PHC3: variants seen among roughly 807,000 people sequenced by gnomAD.
PHC3 encodes polyhomeotic homolog 3.
Under a neutral mutation model 107.4 loss-of-function variants are expected in PHC3, and 13 were observed. The ratio of observed to expected loss-of-function variants is 0.12; its 90% CI spans 0.08 to 0.19. PHC3 has a LOEUF of 0.19. Among genes scored for constraint, PHC3 ranks in the 10% least tolerant of loss-of-function variants. The probability of loss-of-function intolerance (pLI) is 1.00; values close to 1 mark genes in which losing one functional copy is unlikely to be tolerated. For synonymous variants in PHC3, 456 were observed against 427.4 expected (o/e 1.07, Z -0.83); for missense variants, 992 against 1,210.9 (o/e 0.82, Z 2.68).
Position 170,096,737 on chromosome 3 carries a change from T to C in PHC3, c.*493A>G, listed in dbSNP as rs573008447. 1 of 152,498 alleles carries C rather than the reference T, an allele frequency of 6.6e-6. No individual in the cohort carries two copies. The highest frequency in any genetic ancestry group is 2.4e-5 in the African/African-American group (1 of 41,576). 9.4% of individuals were successfully genotyped at this position (152,498 alleles called of 1,614,324 possible). ...ATAAAGCATATGTCTAAAAGACATG[T>C]TTTTTAAAATGTACACTGATTTCAT... On this transcript the variant is annotated 3_prime_UTR_variant, in exon 15 of 15. Transcript: ENST00000495893.
At chr3:170,115,856 G>C (rs1376472599) in intron 10 of PHC3, among the ~76,000 whole-genome samples, 1 of 147,802 alleles carries the variant, frequency 6.8e-6, no homozygotes, top group Non-Finnish European at 1.5e-5. Context: ...TATGAGAATT[G>C]TTATAGGAAA....
At chr3:170,176,189 G>A (rs922311010) in intron 2 of PHC3, among the ~76,000 whole-genome samples, 3 of 141,524 alleles carry the variant, frequency 2.1e-5, no homozygotes, top group Non-Finnish European at 4.5e-5. Context: ...TCACGCCACC[G>A]CACTCCAGCC....
chr3:170,098,640 A>C (rs1362184660), intron 14 of PHC3, among the ~76,000 whole-genome samples: 1 of 152,168 alleles, frequency 6.6e-6, no homozygotes, highest in Non-Finnish European at 1.5e-5. Flanking sequence ...GCTATAGAAG[A>C]GCTATCTGTA....
At chr3:170,158,914 G>A (rs1419662178) in intron 4 of PHC3, among the ~76,000 whole-genome samples, 1 of 145,880 alleles carries the variant, frequency 6.9e-6, no homozygotes, top group Admixed American at 7.0e-5. Context: ...ACAACAAAGT[G>A]AGAACCTGTC....
Position 170,129,043 on chromosome 3 carries a change from G to A in PHC3, c.1429C>T (p.His477Tyr). 2 of 1,612,396 alleles carry A rather than the reference G, an allele frequency of 1.2e-6. No individual in the cohort carries two copies. Among genetic ancestry groups the A allele is most frequent in the Non-Finnish European group, 1.7e-6 (2 of 1,179,112 alleles). The change falls in exon 8 of 15, where the codon CAC becomes TAC. Residue 477 changes from histidine to tyrosine, a missense_variant. By Grantham distance (83) the His-to-Tyr change is moderately conservative (BLOSUM62 2). Coordinates refer to ENST00000495893, the MANE Select transcript of PHC3 (RefSeq NM_024947.4). ...GCAGACTGCTGAACTGGGCCAATGT[G>A]TACAACAGGGGAAGCTGGAAGTGGA... ...HLPLPASPVV[H>Y]IGPVQQSALV... is the part of the protein sequence containing the mutation.
Position 170,172,669 on chromosome 3 carries a change from T to C in PHC3, c.224A>G (p.Gln75Arg), listed in dbSNP as rs1276154902. Residue 75 changes from glutamine (Q) to arginine (R), a missense_variant, in exon 3 of 15, where the codon CAG becomes CGG. This residue lies in a region of PHC3 where 161 missense variants were observed against 183.7 expected (regional missense o/e 0.88). Coordinates refer to ENST00000495893, the MANE Select transcript of PHC3 (RefSeq NM_024947.4). ...GGCTGCATACATTTGCTGAAGGTAC[T>C]GAGCAGCTGAGCTGGGGGGCCGATG... Reference protein sequence around the residue: ...ALHRPPSSAAQYLQQMYAAQQ... With the variant: ...ALHRPPSSAARYLQQMYAAQQ... The C allele has an allele frequency of 6.2e-7, 1 of 1,612,418 alleles. No homozygotes were observed. Among genetic ancestry groups the C allele is most frequent in the South Asian group, 1.1e-5 (1 of 90,996 alleles).
At chr3:170,178,166 C>T (rs1378651460) in intron 2 of PHC3, among the ~76,000 whole-genome samples, 4 of 140,870 alleles carry the variant, frequency 2.8e-5, no homozygotes, top group African/African-American at 8.0e-5. Flanking sequence ...TTTTTTGAGA[C>T]GGAGTCTCGT....
chr3:170,157,846 A>G (rs973169331), intron 4 of PHC3, among the ~76,000 whole-genome samples: 1 of 151,992 alleles, frequency 6.6e-6, no homozygotes. Context: ...GAAATTTTTA[A>G]GAAGAAAATA....
chr3:170,163,884 A>G (rs1224623641), intron 4 of PHC3, among the ~76,000 whole-genome samples: 2 of 141,618 alleles, frequency 1.4e-5, no homozygotes, highest in African/African-American at 2.6e-5. Flanking sequence ...AAAAAAAAAA[A>G]GGCAGGCAGG....
chr3:170,114,181 G>T (rs1033962711), intron 10 of PHC3, among the ~76,000 whole-genome samples: 1 of 152,008 alleles, frequency 6.6e-6, no homozygotes, highest in Non-Finnish European at 1.5e-5. Flanking sequence ...GGCTAATTTT[G>T]TATTTTTAGT....
In PHC3 at chr3:170,129,172, G is replaced by T. The variant is rs752884184; in HGVS notation, c.1300C>A (p.Pro434Thr). 3.3e-5 allele frequency: 54 copies of T among 1,613,848 alleles called. No homozygotes were observed. The highest frequency in any genetic ancestry group is 5.0e-5 in the Admixed American group (3 of 59,996). Residue 434 changes from proline (P) to threonine (T), a missense_variant, in exon 8 of 15, where the codon CCA becomes ACA. By Grantham distance (38) the Pro-to-Thr change is conservative. Around this residue, in one of 6 missense-constraint regions of PHC3, gnomAD observed 543 missense variants for 590.8 expected, o/e 0.92. Transcript: ENST00000495893. ...IIIHPQALIQ[P>T]HPLVSSALQP... ...AGAGCTGATGACACAAGAGGGTGTGGCTGAATAAGTGCTTGTGGATGAATA... is the reference window on the plus strand; with the variant it reads ...AGAGCTGATGACACAAGAGGGTGTGTCTGAATAAGTGCTTGTGGATGAATA...
At position 170,092,758 on chromosome 3, in the gene PHC3, G is replaced by C. The variant is rs1220370459; in HGVS notation, c.*4472C>G. ...CAAATATTCTCCAACTGTAATAAAA[G>C]GTTCTCACCTTTTTCAGAAATCAAA... On this transcript the variant is annotated 3_prime_UTR_variant, in exon 15 of 15. Coordinates refer to ENST00000495893, the MANE Select transcript of PHC3 (RefSeq NM_024947.4). 2.6e-5 allele frequency: 4 copies of C among 152,042 alleles called. No homozygotes were observed. The highest frequency in any genetic ancestry group is 6.5e-5 in the Admixed American group (1 of 15,272). 9.4% of individuals were successfully genotyped at this position (152,042 alleles called of 1,614,324 possible).
chr3:170,125,240 T>G (rs1721060296), intron 8 of PHC3, among the ~76,000 whole-genome samples: 1 of 152,098 alleles, frequency 6.6e-6, no homozygotes, highest in Non-Finnish European at 1.5e-5. Flanking sequence ...ATAATAACAG[T>G]TTTTTAAATG....
intron 4 of PHC3, among the ~76,000 whole-genome samples, chr3:170,164,305 T>C (rs2108694419): frequency 6.6e-6 from 1 of 152,322 alleles, no homozygotes; most frequent in Non-Finnish European, 1.5e-5. Flanking sequence ...TCTATATATT[T>C]GTGTTATCTA....
intron 5 of PHC3, chr3:170,147,847 T>C (rs944722726): frequency 6.6e-6 from 1 of 152,264 alleles, no homozygotes; most frequent in African/African-American, 2.4e-5. Flanking sequence ...TTCAATTTAG[T>C]TTGACCCGTA....
In PHC3 at chr3:170,089,473, A is replaced by C. The variant is rs1212258442; in HGVS notation, c.*7757T>G. The C allele has an allele frequency of 6.6e-6, 1 of 152,254 alleles. No homozygotes were observed. Among genetic ancestry groups the C allele is most frequent in the Non-Finnish European group, 1.5e-5 (1 of 68,046 alleles). The allele number at this position is 152,254 out of a possible 1,614,324, so 9.4% of individuals were successfully genotyped here. On this transcript the variant is annotated 3_prime_UTR_variant, in exon 15 of 15. Transcript: ENST00000495893. The stretch of plus-strand genomic sequence containing the variant: ...ATATGTGCTTTCTAGAATATTACTG[A>C]TTCTTACATATCTTTAAAAGTTGGA...
intron 9 of PHC3, among the ~76,000 whole-genome samples, chr3:170,118,626 T>G (rs1577037486): frequency 6.6e-6 from 1 of 152,166 alleles, no homozygotes; most frequent in East Asian, 1.9e-4. Flanking sequence ...TTAGCCAGGA[T>G]GGTCTCTATC....
chr3:170,124,412 T>A (rs1278016572), intron 8 of PHC3, among the ~76,000 whole-genome samples: 4 of 151,992 alleles, frequency 2.6e-5, no homozygotes, highest in African/African-American at 9.7e-5. Context: ...AGAAAGGGTC[T>A]CACTCTGCTG....
At chr3:170,123,421 T>G (rs986868510) in intron 8 of PHC3, among the ~76,000 whole-genome samples, 1 of 152,002 alleles carries the variant, frequency 6.6e-6, no homozygotes. Context: ...TTTATAATGT[T>G]CCATACTTAT....
Sources: allele counts gnomAD v4.1 joint callset (sites outside exome capture counted in the v4.1 genomes callset), GRCh38; gene constraint gnomAD v4.1.1; regional missense constraint gnomAD v4.1.1; transcripts MANE v1.5; gene names NCBI Gene and HGNC (gene_info 2026-07-23, HGNC 2026-07-21).